The following FBXL7 variants were observed in gnomAD, a reference collection of about 807,000 sequenced individuals.
The protein encoded by FBXL7 is F-box/LRR-repeat protein 7.
Under a neutral mutation model 38.3 loss-of-function variants are expected in FBXL7, and 12 were observed. That is an observed-to-expected ratio of 0.31 (90% CI 0.20 to 0.51). FBXL7 has a LOEUF of 0.51. Ranked by LOEUF, FBXL7 falls within the 20% of genes least tolerant of loss-of-function variation. The probability of loss-of-function intolerance (pLI) is 0.98; values close to 1 mark genes in which losing one functional copy is unlikely to be tolerated. For synonymous variants in FBXL7, 297 were observed against 300.9 expected (o/e 0.99, Z 0.13); for missense variants, 567 against 676.4 (o/e 0.84, Z 1.79).
rs1466844980 is a variant in FBXL7 at position 15,658,962 on chromosome 5, A to AC, written c.127+42892dup. Among the ~76,000 whole-genome samples the AC allele has an allele frequency of 2.0e-5, 3 of 152,178 alleles. No individual in the cohort carries two copies. In the East Asian group the frequency reaches 5.8e-4, roughly 29 times the overall value. On this transcript the variant is annotated intron_variant, in intron 2 of 3. Coordinates refer to ENST00000504595, the MANE Select transcript of FBXL7 (RefSeq NM_012304.5). Reference sequence around the variant, plus strand: ...AATATGAGGGGTGGTTTCCTCCCCTACCTTCACTGGGACTTCTTGCCACTG... The same window carrying AC: ...AATATGAGGGGTGGTTTCCTCCCCTACCCTTCACTGGGACTTCTTGCCACTG...
intron 1 of FBXL7, among the ~76,000 whole-genome samples, chr5:15,604,206 T>C (rs1026659280): frequency 6.6e-6 from 1 of 152,298 alleles, no homozygotes; most frequent in East Asian, 1.9e-4. Context: ...AGTCATGTTC[T>C]TTTCCTCTTT....
chr5:15,643,894 T>A (rs983510146), intron 2 of FBXL7, among the ~76,000 whole-genome samples: 1 of 152,180 alleles, frequency 6.6e-6, no homozygotes, highest in African/African-American at 2.4e-5. Context: ...TGTGTCCAAA[T>A]TCGTGCTTAG....
intron 2 of FBXL7, among the ~76,000 whole-genome samples, chr5:15,775,057 T>G (rs1381149344): frequency 6.6e-6 from 1 of 152,184 alleles, no homozygotes; most frequent in Non-Finnish European, 1.5e-5. Context: ...GACATGATTT[T>G]TAAATAATTG....
chr5:15,915,687 A>G (rs1741566107), intron 2 of FBXL7, among the ~76,000 whole-genome samples: 1 of 152,202 alleles, frequency 6.6e-6, no homozygotes, highest in Non-Finnish European at 1.5e-5. Flanking sequence ...TAACAGAAGG[A>G]ATGAGCTAGT....
In FBXL7 at chr5:15,500,806, G is replaced by A. The variant is rs1448396955; in HGVS notation, c.37+93G>A. 56 of 1,482,008 alleles carry A rather than the reference G, an allele frequency of 3.8e-5. No individual in the cohort carries two copies. The Admixed American group carries it at 1.0e-3, about 27-fold the overall frequency. 91.8% of individuals were successfully genotyped at this position (1,482,008 alleles called of 1,614,324 possible). On this transcript the variant is annotated intron_variant, in intron 1 of 3. Transcript: ENST00000504595. Reference sequence around the variant, plus strand: ...CTGGGAAGGGAGGTTCTCGCCCGCGGCCGTGACGCACCCCATTTGGCACCC... The same window carrying A: ...CTGGGAAGGGAGGTTCTCGCCCGCGACCGTGACGCACCCCATTTGGCACCC...
chr5:15,835,455 A>G (rs970676299), intron 2 of FBXL7, among the ~76,000 whole-genome samples: 19 of 152,222 alleles, frequency 1.2e-4, no homozygotes, highest in Non-Finnish European at 2.5e-4. Flanking sequence ...CCAATATTAG[A>G]ATGGAACCAT....
intron 1 of FBXL7, among the ~76,000 whole-genome samples, chr5:15,556,331 A>G (rs748683481): frequency 6.6e-6 from 1 of 152,032 alleles, no homozygotes; most frequent in Non-Finnish European, 1.5e-5. Flanking sequence ...GCAGCCAGGC[A>G]TAGAGTGAGA....
At chr5:15,589,339 C>T (rs747879705) in intron 1 of FBXL7, among the ~76,000 whole-genome samples, 12 of 151,956 alleles carry the variant, frequency 7.9e-5, no homozygotes, top group South Asian at 2.1e-4. Context: ...GGATTTCCCC[C>T]GGCTTTTCTC....
intron 2 of FBXL7, among the ~76,000 whole-genome samples, chr5:15,830,001 C>G (rs1380951434): frequency 6.6e-6 from 1 of 152,116 alleles, no homozygotes; most frequent in Non-Finnish European, 1.5e-5. Context: ...GTTGTGATGA[C>G]AAATGAGCAA....
intron 2 of FBXL7, among the ~76,000 whole-genome samples, chr5:15,814,087 A>G (rs1737942171): frequency 6.6e-6 from 1 of 152,212 alleles, no homozygotes; most frequent in Non-Finnish European, 1.5e-5. Context: ...GTATATACCC[A>G]AAGTATTGTA....
chr5:15,780,445 G>A (rs1296275342), intron 2 of FBXL7, among the ~76,000 whole-genome samples: 3 of 152,162 alleles, frequency 2.0e-5, no homozygotes, highest in Non-Finnish European at 2.9e-5. Context: ...AAAGATTACT[G>A]ACTGTATTTT....
chr5:15,921,380 C>CAAAAAA (rs56077834), intron 2 of FBXL7, among the ~76,000 whole-genome samples: 3 of 124,678 alleles, frequency 2.4e-5, no homozygotes, highest in African/African-American at 8.8e-5. Context: ...GACTCCATCT[C>CAAAAAA]AAAAAAAAAA....
chr5:15,894,651 T>G (rs901919272), intron 2 of FBXL7, among the ~76,000 whole-genome samples: 1 of 152,214 alleles, frequency 6.6e-6, no homozygotes, highest in Non-Finnish European at 1.5e-5. Context: ...AGATTCCTTC[T>G]AAGGAGAATA....
intron 2 of FBXL7, among the ~76,000 whole-genome samples, chr5:15,851,545 C>T (rs1739093912): frequency 6.6e-6 from 1 of 152,150 alleles, no homozygotes; most frequent in African/African-American, 2.4e-5. Flanking sequence ...CATGTTTAGC[C>T]TCTTGTTCTG....
At chr5:15,742,588 G>T (rs2126676568) in intron 2 of FBXL7, among the ~76,000 whole-genome samples, 1 of 152,292 alleles carries the variant, frequency 6.6e-6, no homozygotes, top group Admixed American at 6.5e-5. Flanking sequence ...TGAACAGGTA[G>T]GACTACATTG....
intron 1 of FBXL7, among the ~76,000 whole-genome samples, chr5:15,594,114 G>C (rs1045274160): frequency 1.3e-5 from 2 of 152,082 alleles, no homozygotes; most frequent in Non-Finnish European, 2.9e-5. Context: ...TTTATTTGTT[G>C]GTGGAGTTTA....
intron 2 of FBXL7, among the ~76,000 whole-genome samples, chr5:15,669,713 A>G (rs917334920): frequency 6.6e-6 from 1 of 152,174 alleles, no homozygotes; most frequent in African/African-American, 2.4e-5. Flanking sequence ...TAATCCTGTC[A>G]CGGTAAGTTT....
rs553070240 is a variant in FBXL7, at chr5:15,778,885, T to C, written c.128-149005T>C. Among the ~76,000 whole-genome samples the C allele has an allele frequency of 3.9e-5, 6 of 152,268 alleles. No individual in the cohort carries two copies. The South Asian group carries it at 1.0e-3, about 26-fold the overall frequency. On this transcript the variant is annotated intron_variant, in intron 2 of 3. Transcript: ENST00000504595. ...GAAAGGATAATCTTGCTAGGGATAATGTGTTTAATAGCAGAGCACCTTCTC... is the reference window on the plus strand; with the variant it reads ...GAAAGGATAATCTTGCTAGGGATAACGTGTTTAATAGCAGAGCACCTTCTC...
At chr5:15,655,025 T>A (rs1370183625) in intron 2 of FBXL7, among the ~76,000 whole-genome samples, 1 of 152,226 alleles carries the variant, frequency 6.6e-6, no homozygotes, top group Non-Finnish European at 1.5e-5. Context: ...TGCCCTGGCA[T>A]GTACAGAGTC....
Sources: gnomAD v4.1 joint callset for allele counts (sites outside exome capture counted in the v4.1 genomes callset) on GRCh38, gnomAD v4.1.1 for gene constraint, MANE v1.5 for transcripts, NCBI Gene and HGNC (gene_info 2026-07-23, HGNC 2026-07-21) for gene names.